Variants in TTC39C observed in about 807,000 individuals in gnomAD.
TTC39C encodes tetratricopeptide repeat domain 39C.
In TTC39C, 33 loss-of-function variants were observed where a neutral mutation model predicts 76.3. The observed-to-expected ratio is 0.43, with a 90% CI of 0.33 to 0.58. The LOEUF (loss-of-function observed/expected upper bound fraction) is 0.58, where lower values mean the gene tolerates loss of function less well. Among genes scored for constraint, TTC39C ranks in the 20% least tolerant of loss-of-function variants. TTC39C has a pLI of 0.04. For missense variants in TTC39C, 595 were observed against 701.4 expected, an observed-to-expected ratio of 0.85 and a Z score of 1.71; for synonymous variants, 254 against 260.6, an observed-to-expected ratio of 0.97 and a Z score of 0.24.
At chr18:24,017,443 T>C (rs1338314757) in intron 1 of TTC39C, among the ~76,000 whole-genome samples, 1 of 152,212 alleles carries the variant, frequency 6.6e-6, no homozygotes, top group African/African-American at 2.4e-5. Flanking sequence ...AAATAATCCA[T>C]GGCCCCGACT....
chr18:24,123,392 TG>T (rs2085001505), intron 8 of TTC39C, among the ~76,000 whole-genome samples: 2 of 117,296 alleles, frequency 1.7e-5, no homozygotes, highest in Non-Finnish European at 4.2e-5. Flanking sequence ...TTTTTTTGTT[TG>T]TTTGTTTGTT....
In TTC39C at chr18:24,088,797, G is replaced by C. The variant is rs73404278; in HGVS notation, c.984+5716G>C. On this transcript the variant is annotated intron_variant, in intron 6 of 13. Coordinates refer to ENST00000317571, the MANE Select transcript of TTC39C (RefSeq NM_001135993.2). ...AGGTTTGCTGGTTCCTTTCAAGAGG[G>C]TGGAGGTTCTTCCCCCTCATTTTCA... is the stretch of plus-strand genomic sequence containing the variant. Among the ~76,000 whole-genome samples the C allele has an allele frequency of 9.8e-3, 1,488 of 152,280 alleles. 33 individuals carry two copies. The highest frequency in any genetic ancestry group is 0.034 in the African/African-American group (1,411 of 41,544).
intron 1 of TTC39C, among the ~76,000 whole-genome samples, chr18:24,041,125 A>G (rs2083787302): frequency 6.6e-6 from 1 of 152,220 alleles, no homozygotes; most frequent in South Asian, 2.1e-4. Context: ...TCAGATTTAC[A>G]TGTCATTTCA....
intron 4 of TTC39C, among the ~76,000 whole-genome samples, chr18:24,073,874 G>T (rs4043679): frequency 0.47 from 72,140 of 152,022 alleles, 17,501 homozygotes; most frequent in African/African-American, 0.57. Context: ...ATTTACTGCA[G>T]GTATCACATA....
chr18:24,099,890 A>G (rs1436294316), intron 6 of TTC39C, among the ~76,000 whole-genome samples: 2 of 152,160 alleles, frequency 1.3e-5, no homozygotes, highest in African/African-American at 4.8e-5. Flanking sequence ...TTCCAAACAT[A>G]TAACTTAATA....
In TTC39C at chr18:24,134,257, G is replaced by GTTGTTGTTT; in HGVS notation, c.*1685_*1686insGTTGTTTTT. The GTTGTTGTTT allele has an allele frequency of 2.1e-5, 1 of 48,724 alleles. No individual in the cohort carries two copies. The highest frequency in any genetic ancestry group is 6.8e-4 in the South Asian group (1 of 1,478). 3.0% of individuals were successfully genotyped at this position (48,724 alleles called of 1,614,324 possible). A position where few individuals can be genotyped will look rare whatever the true frequency, so the allele number is the denominator to read the frequency against. On this transcript the variant is annotated 3_prime_UTR_variant, in exon 14 of 14. Transcript: ENST00000317571. ...TGGTGCCCAAAAATATTGGACATCT[G>GTTGTTGTTT]TTTTTTGTTTTTTTTTTTTTTTTTT... is the stretch of plus-strand genomic sequence containing the variant.
intron 1 of TTC39C, among the ~76,000 whole-genome samples, chr18:24,024,008 A>C (rs370327422): frequency 4.3e-4 from 3 of 6,988 alleles, no homozygotes; most frequent in Non-Finnish European, 7.2e-4. Flanking sequence ...ATATATATAT[A>C]TATATATATT....
At chr18:24,054,320 G>T (rs575027927) in intron 1 of TTC39C, among the ~76,000 whole-genome samples, 1 of 152,282 alleles carries the variant, frequency 6.6e-6, no homozygotes, top group African/African-American at 2.4e-5. Context: ...TGGTTGGCTG[G>T]ATGATATATT....
At chr18:24,090,281 A>G (rs1201104654) in intron 6 of TTC39C, among the ~76,000 whole-genome samples, 4 of 152,210 alleles carry the variant, frequency 2.6e-5, no homozygotes, top group Non-Finnish European at 5.9e-5. Flanking sequence ...GCTAAAATCA[A>G]GGTCTATAAA....
intron 4 of TTC39C, among the ~76,000 whole-genome samples, chr18:24,079,191 T>G (rs541016880): frequency 6.6e-6 from 1 of 152,354 alleles, no homozygotes; most frequent in African/African-American, 2.4e-5. Context: ...CTTATAGTTA[T>G]GAGAGAACTT....
At chr18:24,123,024 T>G (rs530175945) in intron 8 of TTC39C, among the ~76,000 whole-genome samples, 1 of 152,310 alleles carries the variant, frequency 6.6e-6, no homozygotes, top group African/African-American at 2.4e-5. Flanking sequence ...CACATGTGTT[T>G]CTTCTTCACA....
At chr18:24,061,508 T>A (rs759661641) in intron 1 of TTC39C, among the ~76,000 whole-genome samples, 4 of 149,354 alleles carry the variant, frequency 2.7e-5, no homozygotes, top group Non-Finnish European at 5.9e-5. Flanking sequence ...CTGGAATGAA[T>A]GCATTTTGTG....
At chr18:24,119,870 G>A (rs142819485) in intron 8 of TTC39C, among the ~76,000 whole-genome samples, 4 of 152,118 alleles carry the variant, frequency 2.6e-5, no homozygotes, top group Admixed American at 6.6e-5. Flanking sequence ...TAATTGGGCC[G>A]CACAGTCGAT....
chr18:24,134,253 ATCTGTTTTT>A lies in TTC39C; in HGVS notation c.*1681_*1689del, dbSNP rs1568450602. 7 of 111,270 alleles carry A rather than the reference ATCTGTTTTT, an allele frequency of 6.3e-5. No homozygotes were observed. The highest frequency in any genetic ancestry group is 2.4e-4 in the African/African-American group (7 of 29,370). 6.9% of individuals were successfully genotyped at this position (111,270 alleles called of 1,614,324 possible). The stretch of plus-strand genomic sequence containing the variant: ...AAATTGGTGCCCAAAAATATTGGAC[ATCTGTTTTT>A]TGTTTTTTTTTTTTTTTTTTTTTTT... On this transcript the variant is annotated 3_prime_UTR_variant, in exon 14 of 14. Transcript: ENST00000317571.
chr18:24,035,128 A>C (rs1406082124), intron 1 of TTC39C, among the ~76,000 whole-genome samples: 1 of 151,920 alleles, frequency 6.6e-6, no homozygotes, highest in Non-Finnish European at 1.5e-5. Context: ...GTAACCTTAA[A>C]CTTGTTGGCT....
In TTC39C at chr18:24,095,566, G is replaced by A. The variant is rs555126958; in HGVS notation, c.984+12485G>A. On this transcript the variant is annotated intron_variant, in intron 6 of 13. Coordinates refer to ENST00000317571, the MANE Select transcript of TTC39C (RefSeq NM_001135993.2). ...ATACAAAAATTAGCGGGACATGGTA[G>A]CACATACCTGTAATCCCAGCTACTT... 2.3e-3 allele frequency among the ~76,000 whole-genome samples: 354 copies of A among 152,254 alleles called. 1 individual carries two copies. The highest frequency in any genetic ancestry group is 4.0e-3 in the Non-Finnish European group (273 of 68,028).
chr18:24,120,846 A>G (rs965377427), intron 8 of TTC39C: 1 of 149,318 alleles, frequency 6.7e-6, no homozygotes. Context: ...AGGTTCATCC[A>G]TGTTGTAACA....
chr18:24,027,567 T>TC, intron 1 of TTC39C, among the ~76,000 whole-genome samples: 1 of 151,760 alleles, frequency 6.6e-6, no homozygotes, highest in East Asian at 1.9e-4. Flanking sequence ...GACTTTTTTT[T>TC]TTTTTTTTTT....
intron 1 of TTC39C, among the ~76,000 whole-genome samples, chr18:24,026,673 C>G (rs532196463): frequency 1.2e-4 from 18 of 152,238 alleles, no homozygotes; most frequent in Non-Finnish European, 2.1e-4. Flanking sequence ...CAGGAAGATA[C>G]GAGTCTGAGC....
Sources: gnomAD v4.1 joint callset for allele counts (sites outside exome capture counted in the v4.1 genomes callset) on GRCh38, gnomAD v4.1.1 for gene constraint, MANE v1.5 for transcripts, NCBI Gene and HGNC (gene_info 2026-07-23, HGNC 2026-07-21) for gene names.